The following LRRC8B variants were observed in gnomAD, a reference collection of about 807,000 sequenced individuals.
LRRC8B encodes leucine rich repeat containing 8 VRAC subunit B, also known as volume-regulated anion channel subunit LRRC8B.
Under a neutral mutation model 58.8 loss-of-function variants are expected in LRRC8B, and 23 were observed. The observed-to-expected ratio is 0.39, with a 90% CI of 0.28 to 0.55. LRRC8B has a LOEUF of 0.55. LRRC8B is among the 20% of genes least tolerant of loss of function. LRRC8B has a pLI of 0.62. For synonymous variants in LRRC8B, 359 were observed against 374.1 expected, an observed-to-expected ratio of 0.96 and a Z score of 0.47; for missense variants, 694 against 936.0, an observed-to-expected ratio of 0.74 and a Z score of 3.37.
Position 89,593,644 on chromosome 1 carries a change from G to A in LRRC8B, c.*601G>A, listed in dbSNP as rs1171397256. On this transcript the variant is annotated 3_prime_UTR_variant, in exon 6 of 6. Coordinates refer to ENST00000330947, the MANE Select transcript of LRRC8B (RefSeq NM_001369817.2). Reference sequence around the variant, plus strand: ...CTATGAAATGACTAAATTCCTCCTTGCAGTGTTTACCTTCAAGATTGTATA... The same window carrying A: ...CTATGAAATGACTAAATTCCTCCTTACAGTGTTTACCTTCAAGATTGTATA... The A allele has an allele frequency of 6.6e-6, 1 of 152,252 alleles. No individual in the cohort carries two copies. Among genetic ancestry groups the A allele is most frequent in the Admixed American group, 6.5e-5 (1 of 15,302 alleles). The allele number at this position is 152,252 out of a possible 1,614,324, so 9.4% of individuals were successfully genotyped here.
intron 1 of LRRC8B, among the ~76,000 whole-genome samples, chr1:89,528,507 A>T (rs1649868486): frequency 6.6e-6 from 1 of 152,248 alleles, no homozygotes; most frequent in South Asian, 2.1e-4. Flanking sequence ...CAAACTTCAT[A>T]GACTGACAGG....
At chr1:89,592,706 G>A in intron 5 of LRRC8B, 65 bp from the exon 6 acceptor site, 1 of 1,319,374 alleles carries the variant, frequency 7.6e-7, no homozygotes, top group Non-Finnish European at 1.1e-6. Flanking sequence ...TGGAAAAAAG[G>A]TAAATGTCTT....
At chr1:89,579,013 CTT>C (rs764211185) in intron 3 of LRRC8B, among the ~76,000 whole-genome samples, 2 of 151,848 alleles carry the variant, frequency 1.3e-5, no homozygotes, top group African/African-American at 2.4e-5. Context: ...AGTATATTAA[CTT>C]ATCACTTTTT....
At position 89,582,891 on chromosome 1, in the gene LRRC8B, TCTAATCCTGGGACA is replaced by T; in HGVS notation, c.243_256del (p.Asn82AlafsTer10). ...CCTGAAAGCCAGCATGAACACATCC[TCTAATCCTGGGACA>T]CCGCTTCCGCTCCCCCTCCGAATTC... On this transcript the variant is annotated frameshift_variant, in exon 5 of 6. Transcript: ENST00000330947. LOFTEE classifies it high-confidence loss of function. 6.2e-7 allele frequency: 1 copy of T among 1,614,192 alleles called. No homozygotes were observed. The highest frequency in any genetic ancestry group is 8.5e-7 in the Non-Finnish European group (1 of 1,180,028).
At chr1:89,536,175 C>T (rs1181474717) in intron 1 of LRRC8B, among the ~76,000 whole-genome samples, 3 of 152,178 alleles carry the variant, frequency 2.0e-5, no homozygotes, top group African/African-American at 4.8e-5. Flanking sequence ...TGTTTATATT[C>T]ACATTTATTC....
chr1:89,577,350 G>C (rs1379441584), intron 3 of LRRC8B, among the ~76,000 whole-genome samples: 1 of 152,178 alleles, frequency 6.6e-6, no homozygotes, highest in Non-Finnish European at 1.5e-5. Flanking sequence ...TTTGGAGTAA[G>C]ATTGTCAAGT....
intron 5 of LRRC8B, among the ~76,000 whole-genome samples, chr1:89,585,597 C>T (rs776180584): frequency 5.9e-5 from 9 of 152,118 alleles, no homozygotes; most frequent in Non-Finnish European, 7.3e-5. Flanking sequence ...ATGAAACTGA[C>T]ATTCCTCTAC....
intron 1 of LRRC8B, among the ~76,000 whole-genome samples, chr1:89,547,525 A>T (rs1429162856): frequency 6.6e-6 from 1 of 152,210 alleles, no homozygotes; most frequent in Non-Finnish European, 1.5e-5. Context: ...GAATGTTACA[A>T]TGAAAATAAA....
chr1:89,571,548 G>A (rs115622076), intron 3 of LRRC8B, among the ~76,000 whole-genome samples: 3,198 of 152,238 alleles, frequency 0.021, 106 homozygotes, highest in African/African-American at 0.073. Flanking sequence ...CATTGATTTC[G>A]TATCTGGAGA....
At chr1:89,544,324 C>G (rs1025954455) in intron 1 of LRRC8B, among the ~76,000 whole-genome samples, 12 of 152,114 alleles carry the variant, frequency 7.9e-5, no homozygotes, top group African/African-American at 2.9e-4. Context: ...CAAAATGTTT[C>G]TTTCCCTAAT....
intron 1 of LRRC8B, among the ~76,000 whole-genome samples, chr1:89,552,406 C>T (rs1233815403): frequency 1.3e-5 from 2 of 152,040 alleles, no homozygotes; most frequent in Non-Finnish European, 2.9e-5. Context: ...AAAATGTAAA[C>T]CATAGTGAGT....
At chr1:89,551,121 C>G (rs1288892162) in intron 1 of LRRC8B, among the ~76,000 whole-genome samples, 2 of 152,126 alleles carry the variant, frequency 1.3e-5, no homozygotes, top group East Asian at 1.9e-4. Context: ...CCCCTCTGCT[C>G]TTTCCCTCCC....
intron 1 of LRRC8B, among the ~76,000 whole-genome samples, chr1:89,532,309 G>GT (rs542464936): frequency 8.7e-4 from 133 of 152,130 alleles, no homozygotes; most frequent in Non-Finnish European, 2.4e-4. Context: ...TGTCTCCCTT[G>GT]TTTAACTGCT....
rs1048700905 is a variant in LRRC8B at position 89,524,982 on chromosome 1, C to G, written c.-281C>G. 1 of 152,102 alleles carries G rather than the reference C, an allele frequency of 6.6e-6. No homozygotes were observed. Among genetic ancestry groups the G allele is most frequent in the South Asian group, 2.1e-4 (1 of 4,838 alleles). 9.4% of individuals were successfully genotyped at this position (152,102 alleles called of 1,614,324 possible). On this transcript the variant is annotated 5_prime_UTR_variant, in exon 1 of 6. Transcript: ENST00000330947. ...GCCCGCCCGGAGCGGCCCAGGAGCACGCCGCGGGGAGCGCGGGCGTCCGGG... is the reference window on the plus strand; with the variant it reads ...GCCCGCCCGGAGCGGCCCAGGAGCAGGCCGCGGGGAGCGCGGGCGTCCGGG...
intron 5 of LRRC8B, chr1:89,587,843 CTG>C (rs1488878733): frequency 1.3e-5 from 2 of 152,258 alleles, no homozygotes; most frequent in Admixed American, 1.3e-4. Context: ...GCAGTGAGGA[CTG>C]TAGCCAGAAT....
At chr1:89,544,720 A>G (rs1024785829) in intron 1 of LRRC8B, among the ~76,000 whole-genome samples, 1 of 152,176 alleles carries the variant, frequency 6.6e-6, no homozygotes, top group Non-Finnish European at 1.5e-5. Context: ...AAATCCATCT[A>G]TCCTCTTTTC....
intron 3 of LRRC8B, among the ~76,000 whole-genome samples, chr1:89,578,932 A>G (rs535066814): frequency 1.3e-5 from 2 of 152,342 alleles, no homozygotes; most frequent in Non-Finnish European, 2.9e-5. Flanking sequence ...ATCTAATATA[A>G]AGCCTAAGTA....
chr1:89,541,766 A>C (rs1651011411), intron 1 of LRRC8B, among the ~76,000 whole-genome samples: 1 of 138,036 alleles, frequency 7.2e-6, no homozygotes, highest in African/African-American at 2.7e-5. Context: ...TGTCTGAGAG[A>C]CTCCATAACT....
chr1:89,549,766 A>G (rs895363882), intron 1 of LRRC8B: 1 of 152,258 alleles, frequency 6.6e-6, no homozygotes, highest in Non-Finnish European at 1.5e-5. Context: ...GAGTTCTTTT[A>G]TATGGGAGAT....
Sources: gnomAD v4.1 joint callset for allele counts (sites outside exome capture counted in the v4.1 genomes callset) on GRCh38, gnomAD v4.1.1 for gene constraint, MANE v1.5 for transcripts, NCBI Gene and HGNC (gene_info 2026-07-23, HGNC 2026-07-21) for gene names.